The following GNS variants were observed in gnomAD, a reference collection of about 807,000 sequenced individuals.
The protein encoded by GNS is N-acetylglucosamine-6-sulfatase.
Under a neutral mutation model 69.7 loss-of-function variants are expected in GNS, and 40 were observed. The ratio of observed to expected loss-of-function variants is 0.57; its 90% CI spans 0.45 to 0.75. The LOEUF (loss-of-function observed/expected upper bound fraction) is 0.75, where lower values mean the gene tolerates loss of function less well. GNS is among the 30% of genes least tolerant of loss of function. The pLI is 0.00. For missense variants in GNS, 565 were observed against 685.5 expected, an observed-to-expected ratio of 0.82 and a Z score of 1.96; for synonymous variants, 243 against 251.6, an observed-to-expected ratio of 0.97 and a Z score of 0.32.
At chr12:64,721,317 AACAG>A (rs1386922901) in intron 12 of GNS, among the ~76,000 whole-genome samples, 43 of 152,376 alleles carry the variant, frequency 2.8e-4, no homozygotes, top group African/African-American at 9.6e-4. Context: ...CAGGGAAGCT[AACAG>A]ACAAAGCATT....
chr12:64,717,829 C>T (rs1302422103), intron 13 of GNS, among the ~76,000 whole-genome samples: 1 of 152,146 alleles, frequency 6.6e-6, no homozygotes, highest in Non-Finnish European at 1.5e-5. Flanking sequence ...GAAACATCTT[C>T]CAACTGATGG....
intron 1 of GNS, among the ~76,000 whole-genome samples, chr12:64,757,582 T>G (rs962215728): frequency 1.3e-5 from 2 of 152,198 alleles, no homozygotes; most frequent in Non-Finnish European, 2.9e-5. Context: ...AAGAAATGTG[T>G]AGTCAAAATG....
rs1565879131 is a variant in GNS at position 64,714,568 on chromosome 12, TAG to T, written c.*2171_*2172del. 2.0e-5 allele frequency: 3 copies of T among 152,118 alleles called. No individual in the cohort carries two copies. Among genetic ancestry groups the T allele is most frequent in the African/African-American group, 7.2e-5 (3 of 41,410 alleles). 9.4% of individuals were successfully genotyped at this position (152,118 alleles called of 1,614,324 possible). ...GAAATATACCAAAAATAGAAGAGCG[TAG>T]AGAGGGCTGCACCACATCCTACCAC... is the stretch of plus-strand genomic sequence containing the variant. On this transcript the variant is annotated 3_prime_UTR_variant, in exon 14 of 14. Coordinates refer to ENST00000258145, the MANE Select transcript of GNS (RefSeq NM_002076.4).
chr12:64,716,390 C>T lies in GNS; in HGVS notation c.*351G>A, dbSNP rs1868858938. 2.8e-6 allele frequency: 1 copy of T among 354,244 alleles called. No homozygotes were observed. The highest frequency in any genetic ancestry group is 2.1e-5 in the African/African-American group (1 of 47,490). 21.9% of individuals were successfully genotyped at this position (354,244 alleles called of 1,614,324 possible). On this transcript the variant is annotated 3_prime_UTR_variant, in exon 14 of 14. Transcript: ENST00000258145. ...GTGTGTTTGTGTGTGTCCTAAAGTA[C>T]TGCCATTTATCTGAATGGGTTTACA...
At chr12:64,747,595 C>A in intron 3 of GNS, 117 bp downstream of exon 3, 1 of 703,512 alleles carries the variant, frequency 1.4e-6, no homozygotes. Context: ...GGCAGATTCA[C>A]AGAAAACAAC....
chr12:64,759,247 C>A lies in GNS; in HGVS notation c.30G>T (p.Arg10=), dbSNP rs753033310. The change falls in exon 1 of 14, where the codon CGG becomes CGT. Residue 10 remains arginine (R), a synonymous_variant. Transcript: ENST00000258145. ...GGTGGCGGGGGCTGCCCCGCCGGAG[C>A]CGACCTGGGGCTAGAGGCAGGAGCC... MRLLPLAPG[R]LRRGSPRHLP... 4 of 1,541,282 alleles carry A rather than the reference C, an allele frequency of 2.6e-6. No individual in the cohort carries two copies. The highest frequency in any genetic ancestry group is 2.0e-5 in the Admixed American group (1 of 50,248).
At chr12:64,720,285 TAAA>T in intron 12 of GNS, 103 bp from the exon 13 acceptor site, 15 of 670,916 alleles carry the variant, frequency 2.2e-5, no homozygotes, top group Middle Eastern at 4.2e-4. Flanking sequence ...GGAGGTAGAT[TAAA>T]AAAAAAAAAA....
At chr12:64,742,060 T>C (rs1054639926) in intron 6 of GNS, among the ~76,000 whole-genome samples, 1 of 152,158 alleles carries the variant, frequency 6.6e-6, no homozygotes, top group Non-Finnish European at 1.5e-5. Flanking sequence ...TTGCACTGTT[T>C]CCCAGGCTGG....
At chr12:64,726,794 C>A (rs1043665847) in intron 10 of GNS, among the ~76,000 whole-genome samples, 1 of 152,082 alleles carries the variant, frequency 6.6e-6, no homozygotes, top group Non-Finnish European at 1.5e-5. Flanking sequence ...CTGCACCTGG[C>A]TCCCATATCT....
intron 8 of GNS, among the ~76,000 whole-genome samples, chr12:64,738,199 A>G (rs1869612722): frequency 1.3e-5 from 2 of 152,110 alleles, no homozygotes; most frequent in Admixed American, 1.3e-4. Flanking sequence ...TAGTAGAGAA[A>G]GAGTTATGCC....
intron 1 of GNS, 141 bp downstream of exon 1, chr12:64,758,944 G>A (rs533798539): frequency 5.5e-6 from 4 of 732,666 alleles, no homozygotes; most frequent in Non-Finnish European, 9.9e-6. Flanking sequence ...CGGCATAAAG[G>A]GCCTCAGGTG....
In GNS at chr12:64,714,070, A is replaced by C. The variant is rs1868788587; in HGVS notation, c.*2671T>G. Reference sequence around the variant, plus strand: ...CTGGAACCCAGGAGGTGGAAGTTGCAGTGAGCCGAGATCACGCCACTGCAC... The same window carrying C: ...CTGGAACCCAGGAGGTGGAAGTTGCCGTGAGCCGAGATCACGCCACTGCAC... On this transcript the variant is annotated 3_prime_UTR_variant, in exon 14 of 14. Transcript: ENST00000258145. 6.6e-6 allele frequency: 1 copy of C among 152,198 alleles called. No homozygotes were observed. Among genetic ancestry groups the C allele is most frequent in the South Asian group, 2.1e-4 (1 of 4,836 alleles). The allele number at this position is 152,198 out of a possible 1,614,324, so 9.4% of individuals were successfully genotyped here. A position where few individuals can be genotyped will look rare whatever the true frequency, so the allele number is the denominator to read the frequency against.
chr12:64,723,218 C>G (rs549575642), intron 10 of GNS, 105 bp from the exon 11 acceptor site: 1 of 746,804 alleles, frequency 1.3e-6, no homozygotes, highest in African/African-American at 1.7e-5. Context: ...AGTAATTGGA[C>G]TGTTCATTCA....
intron 2 of GNS, among the ~76,000 whole-genome samples, chr12:64,751,720 T>A (rs889158180): frequency 6.6e-6 from 1 of 151,910 alleles, no homozygotes; most frequent in African/African-American, 2.4e-5. Flanking sequence ...GGTGCGGTAG[T>A]TCATGCCTGT....
intron 2 of GNS, among the ~76,000 whole-genome samples, chr12:64,748,376 C>A (rs951379157): frequency 7.7e-4 from 113 of 146,264 alleles, no homozygotes; most frequent in African/African-American, 2.7e-3. Flanking sequence ...TTTTTTTTTT[C>A]ATTTTTTTAT....
Position 64,740,702 on chromosome 12 carries a change from G to C in GNS, c.793-14C>G. Reference sequence around the variant, plus strand: ...CCAGTGCTTGTTCTAAAATTTAGAAGAAAAAAAATGTTAACACCAAGTCAC... The same window carrying C: ...CCAGTGCTTGTTCTAAAATTTAGAACAAAAAAAATGTTAACACCAAGTCAC... On this transcript the variant is annotated splice_polypyrimidine_tract_variant and intron_variant, in intron 6 of 13. Transcript: ENST00000258145. The C allele has an allele frequency of 7.5e-7, 1 of 1,329,452 alleles. No individual in the cohort carries two copies. Among genetic ancestry groups the C allele is most frequent in the Admixed American group, 1.7e-5 (1 of 59,628 alleles). 82.4% of individuals were successfully genotyped at this position (1,329,452 alleles called of 1,614,324 possible).
At chr12:64,750,679 G>A (rs11175538) in intron 2 of GNS, among the ~76,000 whole-genome samples, 14,234 of 151,988 alleles carry the variant, frequency 0.094, 1,918 homozygotes, top group African/African-American at 0.3. Context: ...TAAAGCAGAG[G>A]ATCACTTGAG....
Position 64,743,129 on chromosome 12 carries a change from G to A in GNS, c.792+12C>T, listed in dbSNP as rs749901174. On this transcript the variant is annotated intron_variant, in intron 6 of 13. Coordinates refer to ENST00000258145, the MANE Select transcript of GNS (RefSeq NM_002076.4). Reference sequence around the variant, plus strand: ...CTTAGTATGGCTGAATACAAGTGGTGGGGGAAGCTACCGTTCCATGGATGT... The same window carrying A: ...CTTAGTATGGCTGAATACAAGTGGTAGGGGAAGCTACCGTTCCATGGATGT... The A allele has an allele frequency of 5.6e-6, 9 of 1,596,312 alleles. No homozygotes were observed. In the Admixed American group the frequency reaches 1.5e-4, roughly 27 times the overall value.
chr12:64,743,284 C>A lies in GNS; in HGVS notation c.649G>T (p.Asp217Tyr). 6.2e-7 allele frequency: 1 copy of A among 1,612,624 alleles called. No individual in the cohort carries two copies. Among genetic ancestry groups the A allele is most frequent in the Non-Finnish European group, 8.5e-7 (1 of 1,178,776 alleles). ...VLANVSLDFL[D>Y]YKSNFEPFFM... ...AAGGGCTCAAAGTTGGACTTGTAGT[C>A]CAGAAAGTCCAAGGAGACATTAGCC... The change falls in exon 6 of 14, where the codon GAC (aspartate) becomes TAC (tyrosine). Residue 217 changes from aspartate (D) to tyrosine (Y), a missense_variant. This residue lies in a region of GNS where 384 missense variants were observed against 511.0 expected (regional missense o/e 0.75). Transcript: ENST00000258145.
Sources: allele counts gnomAD v4.1 joint callset (sites outside exome capture counted in the v4.1 genomes callset), GRCh38; gene constraint gnomAD v4.1.1; regional missense constraint gnomAD v4.1.1; transcripts MANE v1.5; gene names NCBI Gene and HGNC (gene_info 2026-07-23, HGNC 2026-07-21).